Variants in LYRM9 observed in about 807,000 individuals in gnomAD.
LYRM9 encodes the protein LYR motif-containing protein 9.
In LYRM9, 14 loss-of-function variants were observed where a neutral mutation model predicts 12.6. The observed-to-expected ratio is 1.11, with a 90% CI of 0.73 to 1.73. The LOEUF (loss-of-function observed/expected upper bound fraction) is 1.73, where lower values mean the gene tolerates loss of function less well. LYRM9 is among the 40% of genes most tolerant of loss of function. The pLI is 0.00. For missense variants in LYRM9, 94 were observed against 95.0 expected (o/e 0.99, Z 0.04); for synonymous variants, 42 against 35.1 (o/e 1.20, Z -0.69).
At chr17:27,882,517 C>T (rs757376356) in intron 2 of LYRM9, 52 bp downstream of exon 2, 45 of 1,503,246 alleles carry the variant, frequency 3.0e-5, no homozygotes, top group Non-Finnish European at 3.9e-5. Context: ...GACCTGCGCC[C>T]CTAAGCCTGC....
intron 1 of LYRM9, among the ~76,000 whole-genome samples, chr17:27,888,658 T>C (rs1218614995): frequency 6.6e-6 from 1 of 152,184 alleles, no homozygotes; most frequent in East Asian, 1.9e-4. Flanking sequence ...TGCAGCAGAA[T>C]GTTCAGATCA....
intron 1 of LYRM9, among the ~76,000 whole-genome samples, chr17:27,885,356 C>T (rs932065880): frequency 3.3e-5 from 5 of 152,152 alleles, no homozygotes; most frequent in Admixed American, 6.5e-5. Context: ...CTCTAGAAGC[C>T]TGAGACCATA....
intron 1 of LYRM9, among the ~76,000 whole-genome samples, chr17:27,889,573 G>T (rs1051439796): frequency 6.6e-6 from 1 of 152,148 alleles, no homozygotes; most frequent in African/African-American, 2.4e-5. Context: ...AAAGTGCTGT[G>T]ATTATAGGTG....
At chr17:27,889,870 G>C (rs1292634550) in intron 1 of LYRM9, among the ~76,000 whole-genome samples, 1 of 152,148 alleles carries the variant, frequency 6.6e-6, no homozygotes, top group African/African-American at 2.4e-5. Flanking sequence ...TAGGACCACA[G>C]AGATGAACAG....
At chr17:27,881,893 G>C (rs1308317436) in intron 2 of LYRM9, among the ~76,000 whole-genome samples, 1 of 151,586 alleles carries the variant, frequency 6.6e-6, no homozygotes, top group African/African-American at 2.4e-5. Flanking sequence ...TTGCAGCCTC[G>C]ACCTCCGGGC....
chr17:27,883,035 C>T (rs867295229), intron 1 of LYRM9: 8 of 486,112 alleles, frequency 1.6e-5, no homozygotes, highest in Non-Finnish European at 3.0e-5. Flanking sequence ...AGCAGGAAGA[C>T]CCTGAGGGGC....
At position 27,882,554 on chromosome 17, in the gene LYRM9, A is replaced by G. The variant is rs932778808; in HGVS notation, c.126+15T>C. 3 of 1,568,320 alleles carry G rather than the reference A, an allele frequency of 1.9e-6. No individual in the cohort carries two copies. In the Admixed American group the frequency reaches 5.3e-5, roughly 28 times the overall value. ...ATTAGAGGCAGCCCCCAGACCTGGTAGAGCCAGCTCGCACCTGCCTGACAG... is the reference window on the plus strand; with the variant it reads ...ATTAGAGGCAGCCCCCAGACCTGGTGGAGCCAGCTCGCACCTGCCTGACAG... On this transcript the variant is annotated intron_variant, in intron 2 of 3. Transcript: ENST00000379102.
chr17:27,882,513 C>G (rs1362105085), intron 2 of LYRM9, 56 bp downstream of exon 2: 2 of 1,484,854 alleles, frequency 1.3e-6, no homozygotes, highest in Non-Finnish European at 1.8e-6. Flanking sequence ...CTCTGACCTG[C>G]GCCCCTAAGC....
At chr17:27,891,581 T>TAA (rs1283972633) in intron 1 of LYRM9, among the ~76,000 whole-genome samples, 1 of 152,200 alleles carries the variant, frequency 6.6e-6, no homozygotes, top group Non-Finnish European at 1.5e-5. Flanking sequence ...CCTTCATCCT[T>TAA]AGAGATCCAG....
Position 27,882,581 on chromosome 17 carries a change from A to T in LYRM9, c.114T>A (p.His38Gln). The T allele has an allele frequency of 1.9e-6, 3 of 1,592,622 alleles. No homozygotes were observed. Among genetic ancestry groups the T allele is most frequent in the Non-Finnish European group, 2.6e-6 (3 of 1,170,674 alleles). Residue 38 changes from histidine (H) to glutamine (Q), a missense_variant, in exon 2 of 4, where the codon CAT becomes CAA. His to Gln is a conservative substitution (Grantham distance 24, BLOSUM62 0). Transcript: ENST00000379102. ...PTKGIQQHYK[H>Q]AVRQSFRVHS... is the part of the protein sequence containing the mutation. Reference sequence around the variant, plus strand: ...AGCCAGCTCGCACCTGCCTGACAGCATGCTTGTAATGCTGCTGGATGCCCT... The same window carrying T: ...AGCCAGCTCGCACCTGCCTGACAGCTTGCTTGTAATGCTGCTGGATGCCCT...
chr17:27,892,316 T>G (rs1905483557), intron 1 of LYRM9: 1 of 431,586 alleles, frequency 2.3e-6, no homozygotes. Flanking sequence ...TATACTGTAT[T>G]AGTTCAACAC....
At chr17:27,880,749 G>T (rs946534463) in intron 2 of LYRM9, 7 of 243,886 alleles carry the variant, frequency 2.9e-5, no homozygotes, top group African/African-American at 1.4e-4. Flanking sequence ...CTCTGCATAG[G>T]CTTTACAGCA....
intron 1 of LYRM9, among the ~76,000 whole-genome samples, chr17:27,884,644 G>T (rs2142587620): frequency 6.6e-6 from 1 of 152,296 alleles, no homozygotes; most frequent in Non-Finnish European, 1.5e-5. Flanking sequence ...TGCTGCCAGG[G>T]ACTCATCTGC....
intron 1 of LYRM9, chr17:27,883,044 G>A (rs1174825563): frequency 4.2e-6 from 2 of 481,814 alleles, no homozygotes; most frequent in Non-Finnish European, 8.5e-6. Context: ...ACCCTGAGGG[G>A]CAATCACTAG....
intron 1 of LYRM9, chr17:27,893,047 C>A (rs1382769860): frequency 6.6e-6 from 1 of 152,320 alleles, no homozygotes; most frequent in Non-Finnish European, 1.5e-5. Flanking sequence ...GCGCCCCTAG[C>A]TCGCGCTGCA....
chr17:27,879,053 G>C lies in LYRM9; in HGVS notation c.*420C>G, dbSNP rs1196570762. 1 of 164,634 alleles carries C rather than the reference G, an allele frequency of 6.1e-6. No homozygotes were observed. The highest frequency in any genetic ancestry group is 1.3e-5 in the Non-Finnish European group (1 of 76,210). The allele number at this position is 164,634 out of a possible 1,614,324, so 10.2% of individuals were successfully genotyped here. A position where few individuals can be genotyped will look rare whatever the true frequency, so the allele number is the denominator to read the frequency against. On this transcript the variant is annotated 3_prime_UTR_variant, in exon 4 of 4. Coordinates refer to ENST00000379102, the MANE Select transcript of LYRM9 (RefSeq NM_001076680.3). ...TTCACCTTCATCTTATTGCATCTGG[G>C]ATTCAAATCCAGATCTGTCTGGTTC... is the stretch of plus-strand genomic sequence containing the variant.
chr17:27,883,592 G>C (rs1597591418), intron 1 of LYRM9, among the ~76,000 whole-genome samples: 1 of 151,066 alleles, frequency 6.6e-6, no homozygotes, highest in Non-Finnish European at 1.5e-5. Flanking sequence ...GGAAATGGCA[G>C]TGAGCCAAGA....
intron 1 of LYRM9, among the ~76,000 whole-genome samples, chr17:27,891,336 T>C (rs1191205066): frequency 6.6e-6 from 1 of 152,214 alleles, no homozygotes; most frequent in Non-Finnish European, 1.5e-5. Context: ...TCTAGGACCC[T>C]GGACGAGTTT....
At chr17:27,882,834 T>G in intron 1 of LYRM9, 122 bp from the exon 2 acceptor site, 1 of 1,105,430 alleles carries the variant, frequency 9.0e-7, no homozygotes, top group Non-Finnish European at 1.3e-6. Flanking sequence ...TCCTGTCCCA[T>G]CCCATGGAGC....
Sources: gnomAD v4.1 joint callset for allele counts (sites outside exome capture counted in the v4.1 genomes callset) on GRCh38, gnomAD v4.1.1 for gene constraint, MANE v1.5 for transcripts, NCBI Gene and HGNC (gene_info 2026-07-23, HGNC 2026-07-21) for gene names.